Variants in MTCH2 observed in about 807,000 individuals in gnomAD.
The protein encoded by MTCH2 is mitochondrial carrier 2.
In MTCH2, 25 loss-of-function variants were observed where a neutral mutation model predicts 50.6. The ratio of observed to expected loss-of-function variants is 0.49; its 90% CI spans 0.36 to 0.69. MTCH2 has a LOEUF of 0.69. Among genes scored for constraint, MTCH2 ranks in the 30% least tolerant of loss-of-function variants. MTCH2 has a pLI of 0.00. For missense variants in MTCH2, 273 were observed against 384.4 expected, an observed-to-expected ratio of 0.71 and a Z score of 2.42; for synonymous variants, 106 against 132.0, an observed-to-expected ratio of 0.80 and a Z score of 1.35.
the MTCH2 span, among the ~76,000 whole-genome samples, chr11:47,604,938 T>TTG: frequency 6.6e-6 from 1 of 151,816 alleles, no homozygotes; most frequent in South Asian, 2.1e-4. Context: ...TTGTTTTTTT[T>TTG]GTTTTTTTTT....
intron 5 of MTCH2, among the ~76,000 whole-genome samples, chr11:47,633,736 C>T (rs1437329818): frequency 6.7e-6 from 1 of 150,204 alleles, no homozygotes; most frequent in Non-Finnish European, 1.5e-5. Context: ...GGGGTTTCTC[C>T]ATGTTGGTCA....
downstream of MTCH2, among the ~76,000 whole-genome samples, chr11:47,616,581 C>CAA (rs1172970704): frequency 6.6e-6 from 1 of 152,048 alleles, no homozygotes; most frequent in African/African-American, 2.4e-5. Flanking sequence ...CCTGCCTCAG[C>CAA]CTCCCAAAGT....
chr11:47,635,696 T>G, intron 3 of MTCH2, 125 bp from the exon 4 acceptor site: 1 of 849,378 alleles, frequency 1.2e-6, no homozygotes, highest in Non-Finnish European at 1.8e-6. Context: ...TTTGTTTTTT[T>G]TTTTAAGCTG....
At chr11:47,623,375 T>TA (rs1565963945) in intron 11 of MTCH2, among the ~76,000 whole-genome samples, 3,754 of 122,458 alleles carry the variant, frequency 0.031, 71 homozygotes, top group South Asian at 0.068. Context: ...CAGTCTTTTT[T>TA]TAAAAAAAAA....
chr11:47,627,899 A>C (rs535487106), intron 9 of MTCH2, among the ~76,000 whole-genome samples: 2 of 152,192 alleles, frequency 1.3e-5, no homozygotes, highest in Non-Finnish European at 2.9e-5. Flanking sequence ...ATATTATACT[A>C]AAATGCTTTA....
intron 3 of MTCH2, among the ~76,000 whole-genome samples, 196 bp from the exon 4 acceptor site, chr11:47,635,767 T>C (rs1039591616): frequency 9.9e-5 from 15 of 152,094 alleles, no homozygotes; most frequent in African/African-American, 3.6e-4. Flanking sequence ...CAAGATAAAC[T>C]TGTTGCTAAG....
At chr11:47,607,947 C>A in the MTCH2 span, among the ~76,000 whole-genome samples, 1 of 152,354 alleles carries the variant, frequency 6.6e-6, no homozygotes, top group South Asian at 2.1e-4. Flanking sequence ...ATTCATACTT[C>A]ACTCTTCGTT....
Position 47,618,667 on chromosome 11 carries a change from G to A in MTCH2, c.*166C>T, listed in dbSNP as rs1482771453. On this transcript the variant is annotated 3_prime_UTR_variant, in exon 13 of 13. Coordinates refer to ENST00000302503, the MANE Select transcript of MTCH2 (RefSeq NM_014342.4). ...AGGGGGAGTATCAGTGGTAAGTTATGTTGTGCTGGAAAAAAGAACAAAAAA... is the reference window on the plus strand; with the variant it reads ...AGGGGGAGTATCAGTGGTAAGTTATATTGTGCTGGAAAAAAGAACAAAAAA... 1.5e-5 allele frequency: 8 copies of A among 542,470 alleles called. No homozygotes were observed. The highest frequency in any genetic ancestry group is 2.2e-5 in the Non-Finnish European group (7 of 322,322). 33.6% of individuals were successfully genotyped at this position (542,470 alleles called of 1,614,324 possible).
chr11:47,614,992 G>GC (rs1243731908), downstream of MTCH2, among the ~76,000 whole-genome samples: 1 of 136,588 alleles, frequency 7.3e-6, no homozygotes, highest in East Asian at 2.5e-4. Flanking sequence ...ACTTAGACCA[G>GC]CCACGACCCC....
the MTCH2 span, among the ~76,000 whole-genome samples, chr11:47,608,774 T>C: frequency 2.0e-5 from 3 of 151,496 alleles, no homozygotes; most frequent in African/African-American, 4.9e-5. Context: ...CTGGCTAACA[T>C]GGTGAAACCC....
At chr11:47,609,626 CAAAAAAAAAAAAAAA>C in the MTCH2 span, among the ~76,000 whole-genome samples, 2 of 88,164 alleles carry the variant, frequency 2.3e-5, no homozygotes, top group Non-Finnish European at 4.4e-5. Flanking sequence ...GACTCTGTCT[CAAAAAAAAAAAAAAA>C]AAAAAAAAAA....
At chr11:47,622,878 TGA>T in intron 11 of MTCH2, 102 bp from the exon 12 acceptor site, 1 of 712,948 alleles carries the variant, frequency 1.4e-6, no homozygotes, top group Non-Finnish European at 2.3e-6. Flanking sequence ...GAAGATTCCC[TGA>T]GAGATCATTT....
rs76495167 is a variant in MTCH2 at position 47,618,906 on chromosome 11, C to T, written c.839G>A (p.Arg280Gln). 3.0e-5 allele frequency: 40 copies of T among 1,318,910 alleles called. No homozygotes were observed. The highest frequency in any genetic ancestry group is 8.3e-5 in the African/African-American group (3 of 36,346). The allele number at this position is 1,318,910 out of a possible 1,614,324, so 81.7% of individuals were successfully genotyped here. A position where few individuals can be genotyped will look rare whatever the true frequency, so the allele number is the denominator to read the frequency against. The change falls in exon 13 of 13, where the codon CGA (arginine) becomes CAA (glutamine). Residue 280 changes from arginine (R) to glutamine (Q), a missense_variant. Physicochemically the swap from Arg to Gln is conservative, Grantham distance 43. Coordinates refer to ENST00000302503, the MANE Select transcript of MTCH2 (RefSeq NM_014342.4). ...CTTCCGGAAAAATAAGCTATTTCCT[C>T]GGCTCATATTCCCCTGGAAAACAAA... Reference protein sequence around the residue: ...CMLQKEGNMSRGNSLFFRKVP... With the variant: ...CMLQKEGNMSQGNSLFFRKVP...
At chr11:47,620,067 C>G (rs2097291837) in intron 12 of MTCH2, among the ~76,000 whole-genome samples, 1 of 151,172 alleles carries the variant, frequency 6.6e-6, no homozygotes, top group South Asian at 2.1e-4. Context: ...ACAGAGCAAG[C>G]CTCCGTCTCA....
chr11:47,609,249 G>GT, the MTCH2 span, among the ~76,000 whole-genome samples: 1 of 151,102 alleles, frequency 6.6e-6, no homozygotes, highest in Non-Finnish European at 1.5e-5. Flanking sequence ...GAGGTCAGGA[G>GT]TTTGAGACCA....
At chr11:47,638,899 TC>T in intron 2 of MTCH2, 67 bp downstream of exon 2, 1 of 1,577,138 alleles carries the variant, frequency 6.3e-7, no homozygotes, top group Non-Finnish European at 8.7e-7. Flanking sequence ...ATATTTTCTT[TC>T]AATAACAACT....
chr11:47,626,334 T>C (rs2097298161), intron 10 of MTCH2, among the ~76,000 whole-genome samples: 1 of 150,460 alleles, frequency 6.6e-6, no homozygotes, highest in South Asian at 2.1e-4. Flanking sequence ...GCCCCAGCTT[T>C]TTTTTTTTTT....
chr11:47,632,568 CA>C (rs1404088032), intron 5 of MTCH2, among the ~76,000 whole-genome samples: 1 of 151,994 alleles, frequency 6.6e-6, no homozygotes, highest in Non-Finnish European at 1.5e-5. Context: ...CCGTGTTAGC[CA>C]GGATGGTCTC....
chr11:47,612,640 C>A (rs900913946), downstream of MTCH2, among the ~76,000 whole-genome samples: 6 of 151,260 alleles, frequency 4.0e-5, no homozygotes. Flanking sequence ...GGAGAATCAT[C>A]TGAGCTTGGG....
Sources: allele counts gnomAD v4.1 joint callset (sites outside exome capture counted in the v4.1 genomes callset), GRCh38; gene constraint gnomAD v4.1.1; transcripts MANE v1.5; gene names NCBI Gene and HGNC (gene_info 2026-07-23, HGNC 2026-07-21).